The following HARS1 variants were observed in gnomAD, a reference collection of about 807,000 sequenced individuals.
The protein encoded by HARS1 is histidine--tRNA ligase, cytoplasmic.
A neutral mutation model predicts 63.6 loss-of-function variants in HARS1; 45 were observed. That is an observed-to-expected ratio of 0.71 (90% CI 0.56 to 0.91). The LOEUF (loss-of-function observed/expected upper bound fraction) is 0.91, where lower values mean the gene tolerates loss of function less well. HARS1 is among the 40% of genes least tolerant of loss of function. The pLI is 0.00. For synonymous variants in HARS1, 205 were observed against 247.1 expected, an observed-to-expected ratio of 0.83 and a Z score of 1.60; for missense variants, 508 against 643.2, an observed-to-expected ratio of 0.79 and a Z score of 2.27.
intron 1 of HARS1, 96 bp downstream of exon 1, chr5:140,691,119 C>A: frequency 1.9e-6 from 2 of 1,046,160 alleles, no homozygotes; most frequent in South Asian, 1.4e-5. Flanking sequence ...CAAGACTGGT[C>A]GCTTCCCTCA....
At chr5:140,677,619 G>T in intron 7 of HARS1, 36 bp downstream of exon 7, 1 of 1,381,912 alleles carries the variant, frequency 7.2e-7, no homozygotes, top group Non-Finnish European at 1.0e-6. Context: ...GGCAGGGTGG[G>T]ATCTGGGAAA....
Position 140,679,204 on chromosome 5 carries a change from G to A in HARS1, c.397-77C>T. On this transcript the variant is annotated intron_variant, in intron 4 of 12. Transcript: ENST00000504156. This position sits in a 1 kb window ranked among gnomAD's most constrained non-coding sequence, Gnocchi z 4.3. ...GATTATCATCACCAACAGAAGCTGG[G>A]GTCTAACCCCTCCCTATGTGGGTAA... 5.5e-6 allele frequency: 8 copies of A among 1,457,894 alleles called. No homozygotes were observed. Among genetic ancestry groups the A allele is most frequent in the Admixed American group, 5.3e-5 (3 of 56,314 alleles). The allele number at this position is 1,457,894 out of a possible 1,614,324, so 90.3% of individuals were successfully genotyped here. A position where few individuals can be genotyped will look rare whatever the true frequency, so the allele number is the denominator to read the frequency against.
chr5:140,677,553 G>A (rs1415785654), intron 7 of HARS1, 102 bp downstream of exon 7: 1 of 1,052,796 alleles, frequency 9.5e-7, no homozygotes, highest in Non-Finnish European at 1.5e-6. Context: ...ACCTTCCTCT[G>A]GTGGGTATAG....
intron 2 of HARS1, among the ~76,000 whole-genome samples, chr5:140,686,757 C>G (rs549476015): frequency 6.6e-6 from 1 of 151,802 alleles, no homozygotes; most frequent in African/African-American, 2.4e-5. Flanking sequence ...TGCGCCACCA[C>G]GCCCAGCTAA....
Position 140,673,934 on chromosome 5 carries a change from TG to T in HARS1, c.*322del. ...TGGTTGAGGCATTTTATTGGACCTT[TG>T]GCAATTGGTGGTGGGGAGGCATCTG... On this transcript the variant is annotated 3_prime_UTR_variant, in exon 13 of 13. Coordinates refer to ENST00000504156, the MANE Select transcript of HARS1 (RefSeq NM_002109.6). 4 of 556,380 alleles carry T rather than the reference TG, an allele frequency of 7.2e-6. No homozygotes were observed. Among genetic ancestry groups the T allele is most frequent in the Non-Finnish European group, 1.3e-5 (4 of 310,954 alleles). 34.5% of individuals were successfully genotyped at this position (556,380 alleles called of 1,614,324 possible).
chr5:140,689,350 TTAAA>T (rs1759227853), intron 2 of HARS1, among the ~76,000 whole-genome samples: 1 of 152,254 alleles, frequency 6.6e-6, no homozygotes, highest in African/African-American at 2.4e-5. Context: ...CCTATATACT[TTAAA>T]TAGTCTCTAG....
chr5:140,677,011 G>A lies in HARS1; in HGVS notation c.929C>T (p.Thr310Ile). ...CACTTTGTCATCAATGCCAAATAGG[G>A]TCAGGTACTCAAAGAGCAACTTCAG... ...GDLKLLFEYL[T>I]LFGIDDKISF... The change falls in exon 9 of 13, where the codon ACC becomes ATC. Residue 310 changes from threonine to isoleucine, a missense_variant. Thr to Ile is a moderately conservative substitution (Grantham distance 89). Transcript: ENST00000504156. 6.2e-7 allele frequency: 1 copy of A among 1,614,206 alleles called. No individual in the cohort carries two copies. Among genetic ancestry groups the A allele is most frequent in the Non-Finnish European group, 8.5e-7 (1 of 1,180,034 alleles).
At position 140,683,186 on chromosome 5, in the gene HARS1, C is replaced by T. The variant is rs1758823281; in HGVS notation, c.214G>A (p.Val72Ile). 1 of 1,613,680 alleles carries T rather than the reference C, an allele frequency of 6.2e-7. No individual in the cohort carries two copies. The highest frequency in any genetic ancestry group is 1.3e-5 in the African/African-American group (1 of 74,934). Residue 72 changes from valine to isoleucine, a missense_variant, in exon 3 of 13, where the codon GTT becomes ATT. Physicochemically the swap from Val to Ile is conservative, Grantham distance 29 (BLOSUM62 3). Around this residue, in one of 2 missense-constraint regions of HARS1, gnomAD observed 105 missense variants for 94.5 expected, o/e 1.11. Coordinates refer to ENST00000504156, the MANE Select transcript of HARS1 (RefSeq NM_002109.6). ...TRDYSPRQMA[V>I]REKVFDVIIR... The stretch of plus-strand genomic sequence containing the variant: ...ATTACGTCAAACACCTTCTCGCGAA[C>T]TGCCATCTGCCGGGGACTATAGTCT...
intron 2 of HARS1, chr5:140,684,985 C>T (rs1178907943): frequency 1.3e-5 from 2 of 152,060 alleles, no homozygotes; most frequent in Non-Finnish European, 2.9e-5. Context: ...TTCAATCTGT[C>T]GTGATATGTC....
At chr5:140,683,424 C>T (rs1758837559) in intron 2 of HARS1, 1 of 956,022 alleles carries the variant, frequency 1.0e-6, no homozygotes, top group African/African-American at 1.7e-5. Context: ...CTTCCAAACT[C>T]CATTCCCTTT....
At chr5:140,685,157 G>C (rs1362481305) in intron 2 of HARS1, 2 of 148,610 alleles carry the variant, frequency 1.3e-5, no homozygotes, top group African/African-American at 4.9e-5. Flanking sequence ...TTGCAATGTG[G>C]AATTTGAAAG....
At chr5:140,691,021 C>T in intron 1 of HARS1, 77 bp from the exon 2 acceptor site, 2 of 995,176 alleles carry the variant, frequency 2.0e-6, no homozygotes, top group Non-Finnish European at 3.2e-6. Flanking sequence ...AATATTCCTC[C>T]CTCATCACAT....
Position 140,679,563 on chromosome 5 carries a change from TG to T in HARS1, c.396+224del, listed in dbSNP as rs948354280. 1.2e-5 allele frequency: 6 copies of T among 489,066 alleles called. No homozygotes were observed. The highest frequency in any genetic ancestry group is 1.2e-4 in the African/African-American group (6 of 50,242). 30.3% of individuals were successfully genotyped at this position (489,066 alleles called of 1,614,324 possible). A position where few individuals can be genotyped will look rare whatever the true frequency, so the allele number is the denominator to read the frequency against. On this transcript the variant is annotated intron_variant, in intron 4 of 12. Coordinates refer to ENST00000504156, the MANE Select transcript of HARS1 (RefSeq NM_002109.6). The surrounding 1 kb of genome is among the most constrained non-coding windows in gnomAD (Gnocchi z 4.3). Reference sequence around the variant, plus strand: ...TGGAGCCAGGGGATGACTGTAGAGTTGGAACTGGGCCCTGACATCAAGCTGA... The same window carrying T: ...TGGAGCCAGGGGATGACTGTAGAGTTGAACTGGGCCCTGACATCAAGCTGA...
rs1225904561 is a variant in HARS1, at chr5:140,677,248, T to C, written c.823+79A>G. 13 of 1,381,196 alleles carry C rather than the reference T, an allele frequency of 9.4e-6. No homozygotes were observed. In the East Asian group the frequency reaches 2.7e-4, roughly 29 times the overall value. 85.6% of individuals were successfully genotyped at this position (1,381,196 alleles called of 1,614,324 possible). A position where few individuals can be genotyped will look rare whatever the true frequency, so the allele number is the denominator to read the frequency against. On this transcript the variant is annotated intron_variant, in intron 8 of 12. Transcript: ENST00000504156. ...GCATAGACACACTCACTCCCCTACA[T>C]ACATAACACAGAACAGTTTCAACTT...
chr5:140,688,605 G>A (rs1284829254), intron 2 of HARS1, among the ~76,000 whole-genome samples: 1 of 152,036 alleles, frequency 6.6e-6, no homozygotes, highest in Non-Finnish European at 1.5e-5. Context: ...TTTTATGGTT[G>A]ATTTATTTGA....
intron 2 of HARS1, among the ~76,000 whole-genome samples, chr5:140,687,072 A>G (rs1240205176): frequency 6.6e-6 from 1 of 152,254 alleles, no homozygotes; most frequent in African/African-American, 2.4e-5. Context: ...TTCAAATAAA[A>G]CAAGATGTTC....
rs1308531934 is a variant in HARS1, at chr5:140,676,034, G to A, written c.1194+620C>T. 1.3e-5 allele frequency: 2 copies of A among 152,180 alleles called. No individual in the cohort carries two copies. Among genetic ancestry groups the A allele is most frequent in the East Asian group, 3.8e-4 (2 of 5,202 alleles). The allele number at this position is 152,180 out of a possible 1,614,324, so 9.4% of individuals were successfully genotyped here. ...CTTGAGGCTACAAGAGGCTTCCTTG[G>A]TGTTACTCTAGGTGCTAGAGAGTCA... is the stretch of plus-strand genomic sequence containing the variant. On this transcript the variant is annotated intron_variant, in intron 10 of 12. Transcript: ENST00000504156. This position sits in a 1 kb window ranked among gnomAD's most constrained non-coding sequence, Gnocchi z 4.1.
Position 140,677,106 on chromosome 5 carries a change from G to T in HARS1, c.834C>A (p.Ser278=), listed in dbSNP as rs1758422344. The change falls in exon 9 of 13, where the codon TCC becomes TCA. Residue 278 remains serine, a synonymous_variant. Coordinates refer to ENST00000504156, the MANE Select transcript of HARS1 (RefSeq NM_002109.6). ...GDYVQQHGGV[S]LVEQLLQDPK... is the part of the protein sequence containing the mutation. ...GATCCTGGAGCAGCTGTTCCACCAG[G>T]GATACCCCACCTGGGGAGACAGACT... 4.3e-6 allele frequency: 7 copies of T among 1,613,904 alleles called. No homozygotes were observed. The highest frequency in any genetic ancestry group is 4.2e-6 in the Non-Finnish European group (5 of 1,179,948).
chr5:140,674,328 C>T lies in HARS1; in HGVS notation c.1459G>A (p.Val487Met). ...KLRSVTSREE[V>M]DVRREDLVEE... ...ACAAGGTCTTCTCTTCGGACATCCA[C>T]CTGGCCAGGATGGGAGAAGAAGGTG... is the stretch of plus-strand genomic sequence containing the variant. Residue 487 changes from valine to methionine, a missense_variant and splice_region_variant, in exon 13 of 13, where the codon GTG becomes ATG. By Grantham distance (21) the Val-to-Met change is conservative (BLOSUM62 1). Coordinates refer to ENST00000504156, the MANE Select transcript of HARS1 (RefSeq NM_002109.6). The T allele has an allele frequency of 6.2e-7, 1 of 1,607,722 alleles. No individual in the cohort carries two copies. The highest frequency in any genetic ancestry group is 1.1e-5 in the South Asian group (1 of 90,992).
Sources: gnomAD v4.1 joint callset for allele counts (sites outside exome capture counted in the v4.1 genomes callset) on GRCh38, gnomAD v4.1.1 for gene constraint, gnomAD v4.1.1 regional missense constraint, Gnocchi (gnomAD v3.1) non-coding constraint, MANE v1.5 for transcripts, NCBI Gene and HGNC (gene_info 2026-07-23, HGNC 2026-07-21) for gene names.